Variants in SLC41A2 observed in about 807,000 individuals in gnomAD.
The protein encoded by SLC41A2 is solute carrier family 41 member 2.
Under a neutral mutation model 58.3 loss-of-function variants are expected in SLC41A2, and 32 were observed. That is an observed-to-expected ratio of 0.55 (90% confidence interval 0.41 to 0.74). SLC41A2 has a LOEUF of 0.74. Ranked by LOEUF, SLC41A2 falls within the 30% of genes least tolerant of loss-of-function variation. SLC41A2 has a pLI of 0.00. For synonymous variants in SLC41A2, 190 were observed against 235.0 expected, an observed-to-expected ratio of 0.81 and a Z score of 1.75; for missense variants, 514 against 680.6, an observed-to-expected ratio of 0.76 and a Z score of 2.72.
chr12:104,900,907 T>C (rs1173709563), intron 3 of SLC41A2, among the ~76,000 whole-genome samples: 1 of 152,162 alleles, frequency 6.6e-6, no homozygotes, highest in Non-Finnish European at 1.5e-5. Context: ...GCCAACTTCT[T>C]CATATCCCTC....
intron 10 of SLC41A2, among the ~76,000 whole-genome samples, chr12:104,808,191 T>C (rs550501188): frequency 2.0e-5 from 3 of 152,330 alleles, no homozygotes; most frequent in East Asian, 1.9e-4. Context: ...CAGTATGATA[T>C]TGGCTGTGGG....
At chr12:104,941,706 T>A (rs1054997537) in intron 1 of SLC41A2, among the ~76,000 whole-genome samples, 7 of 152,354 alleles carry the variant, frequency 4.6e-5, no homozygotes, top group Admixed American at 2.6e-4. Flanking sequence ...AGATTATATC[T>A]AGCTCCTATC....
chr12:104,804,980 G>T lies in SLC41A2; in HGVS notation c.*172C>A. 1.9e-6 allele frequency: 1 copy of T among 538,756 alleles called. No individual in the cohort carries two copies. Among genetic ancestry groups the T allele is most frequent in the Non-Finnish European group, 3.3e-6 (1 of 305,752 alleles). 33.4% of individuals were successfully genotyped at this position (538,756 alleles called of 1,614,324 possible). ...AGCAGCACGAATACTCTTCATTCTG[G>T]TTTTGACACAAATTCCTTAAAAAAA... On this transcript the variant is annotated 3_prime_UTR_variant, in exon 11 of 11. Transcript: ENST00000258538.
At chr12:104,927,618 C>G (rs1041097568) in intron 2 of SLC41A2, among the ~76,000 whole-genome samples, 3 of 151,516 alleles carry the variant, frequency 2.0e-5, no homozygotes, top group African/African-American at 7.3e-5. Context: ...TATTTAATAC[C>G]CTCTAATGTT....
intron 10 of SLC41A2, among the ~76,000 whole-genome samples, chr12:104,807,427 C>G (rs536059197): frequency 1.6e-3 from 240 of 152,260 alleles, no homozygotes; most frequent in African/African-American, 5.6e-3. Context: ...TGGTCTATAT[C>G]TCTGTTTTGG....
intron 3 of SLC41A2, among the ~76,000 whole-genome samples, chr12:104,903,812 T>C (rs943275367): frequency 4.6e-5 from 7 of 152,094 alleles, no homozygotes; most frequent in African/African-American, 1.7e-4. Context: ...TACCCCTACC[T>C]CTCTAAAGAA....
intron 6 of SLC41A2, among the ~76,000 whole-genome samples, chr12:104,885,752 T>G (rs2044625152): frequency 1.3e-5 from 2 of 152,142 alleles, no homozygotes; most frequent in Admixed American, 6.5e-5. Flanking sequence ...GGCTCCAACT[T>G]TATACAGCAT....
chr12:104,827,720 T>G (rs1489992523), intron 10 of SLC41A2, among the ~76,000 whole-genome samples: 8 of 152,206 alleles, frequency 5.3e-5, no homozygotes, highest in African/African-American at 1.9e-4. Flanking sequence ...GGCTCCCCTT[T>G]GCTAGGAACA....
At chr12:104,810,435 CAAT>C (rs1165705859) in intron 10 of SLC41A2, among the ~76,000 whole-genome samples, 2 of 151,978 alleles carry the variant, frequency 1.3e-5, no homozygotes, top group Non-Finnish European at 2.9e-5. Context: ...TACATATTAA[CAAT>C]GTGTTAAATA....
chr12:104,877,002 C>T (rs2135575414), intron 6 of SLC41A2, among the ~76,000 whole-genome samples: 1 of 152,240 alleles, frequency 6.6e-6, no homozygotes, highest in East Asian at 1.9e-4. Context: ...GTTATATCTT[C>T]TTGATGAATT....
chr12:104,926,279 G>C (rs950907505), intron 2 of SLC41A2, among the ~76,000 whole-genome samples: 6 of 152,120 alleles, frequency 3.9e-5, no homozygotes, highest in Admixed American at 2.6e-4. Context: ...TATATAATAG[G>C]TATTTGGTAA....
At chr12:104,812,973 G>C (rs1223728894) in intron 10 of SLC41A2, among the ~76,000 whole-genome samples, 1 of 152,138 alleles carries the variant, frequency 6.6e-6, no homozygotes, top group African/African-American at 2.4e-5. Context: ...GAGGTCAGGA[G>C]TTTGAGACCA....
chr12:104,892,328 A>AAAAAAAAAAAAAAAAAC (rs1272873332), intron 4 of SLC41A2, among the ~76,000 whole-genome samples: 16 of 126,918 alleles, frequency 1.3e-4, no homozygotes, highest in African/African-American at 3.7e-4. Context: ...AAATAAAATA[A>AAAAAAAAAAAAAAAAAC]AATAAAATAT....
At chr12:104,904,320 C>T (rs190089718) in intron 3 of SLC41A2, among the ~76,000 whole-genome samples, 1 of 152,160 alleles carries the variant, frequency 6.6e-6, no homozygotes, top group African/African-American at 2.4e-5. Context: ...ACTAAAGGCA[C>T]CTTTTAACTC....
intron 1 of SLC41A2, among the ~76,000 whole-genome samples, chr12:104,949,096 T>C (rs2047854842): frequency 6.6e-6 from 1 of 152,132 alleles, no homozygotes; most frequent in African/African-American, 2.4e-5. Flanking sequence ...TGCATGCCTG[T>C]AATCCCAGCT....
chr12:104,843,611 T>G (rs558491670), intron 10 of SLC41A2, among the ~76,000 whole-genome samples: 10 of 152,102 alleles, frequency 6.6e-5, no homozygotes, highest in Non-Finnish European at 1.2e-4. Flanking sequence ...ATTATGCAGC[T>G]CTCTCAGTAT....
At chr12:104,814,717 C>G (rs956883737) in intron 10 of SLC41A2, among the ~76,000 whole-genome samples, 1 of 152,162 alleles carries the variant, frequency 6.6e-6, no homozygotes, top group Non-Finnish European at 1.5e-5. Context: ...AAGGGCTAAG[C>G]AAATGCTTGG....
At chr12:104,900,970 C>T (rs2045529886) in intron 3 of SLC41A2, among the ~76,000 whole-genome samples, 1 of 152,180 alleles carries the variant, frequency 6.6e-6, no homozygotes, top group African/African-American at 2.4e-5. Context: ...TTGTTCGTTA[C>T]TGATCTCCTG....
chr12:104,918,628 GA>G lies in SLC41A2; in HGVS notation c.556-8867del, dbSNP rs34865307. Among the ~76,000 whole-genome samples, 609 of 111,488 alleles carry G rather than the reference GA, an allele frequency of 5.5e-3. 1 individual carries two copies. The highest frequency in any genetic ancestry group is 0.016 in the Admixed American group (166 of 10,232). 73.1% of individuals were successfully genotyped at this position (111,488 alleles called of 152,430 possible). A position where few individuals can be genotyped will look rare whatever the true frequency, so the allele number is the denominator to read the frequency against. The stretch of plus-strand genomic sequence containing the variant: ...TTCATGTCTGTTGAAGGAGATACAT[GA>G]AAAAAAAAAAAAAAAAAACTAAAAA... On this transcript the variant is annotated intron_variant, in intron 2 of 10. Transcript: ENST00000258538.
Sources: gnomAD v4.1 joint callset for allele counts (sites outside exome capture counted in the v4.1 genomes callset) on GRCh38, gnomAD v4.1.1 for gene constraint, MANE v1.5 for transcripts, NCBI Gene and HGNC (gene_info 2026-07-23, HGNC 2026-07-21) for gene names.